PDE2A: variants seen among roughly 807,000 people sequenced by gnomAD.
PDE2A encodes cGMP-dependent 3',5'-cyclic phosphodiesterase.
In PDE2A, 53 loss-of-function variants were observed where a neutral mutation model predicts 133.6. That is an observed-to-expected ratio of 0.40 (90% CI 0.32 to 0.50). The LOEUF (loss-of-function observed/expected upper bound fraction) is 0.50, where lower values mean the gene tolerates loss of function less well. PDE2A is among the 20% of genes least tolerant of loss of function. The pLI is 0.73. For missense variants in PDE2A, 796 were observed against 1,232.4 expected, an observed-to-expected ratio of 0.65 and a Z score of 5.30; for synonymous variants, 491 against 490.2, an observed-to-expected ratio of 1.00 and a Z score of -0.02.
intron 3 of PDE2A, among the ~76,000 whole-genome samples, chr11:72,607,430 G>T (rs1319274661): frequency 6.6e-6 from 1 of 152,062 alleles, no homozygotes; most frequent in Non-Finnish European, 1.5e-5. Flanking sequence ...CTTCACCCCA[G>T]CCCAGATGTT....
intron 2 of PDE2A, among the ~76,000 whole-genome samples, chr11:72,611,645 G>C (rs1415013705): frequency 2.0e-5 from 3 of 152,186 alleles, no homozygotes; most frequent in Admixed American, 1.3e-4. Flanking sequence ...ATCTGTGCTA[G>C]AGCGGACTGG....
At chr11:72,579,125 G>C in intron 27 of PDE2A, 116 bp from the exon 28 acceptor site, 1 of 943,074 alleles carries the variant, frequency 1.1e-6, no homozygotes, top group Non-Finnish European at 1.7e-6. Context: ...CTTGATGGGA[G>C]CCAAGGGGCC....
Position 72,589,790 on chromosome 11 carries a change from G to T in PDE2A, c.834C>A (p.Val278=). The T allele has an allele frequency of 6.2e-7, 1 of 1,613,776 alleles. No individual in the cohort carries two copies. Among genetic ancestry groups the T allele is most frequent in the South Asian group, 1.1e-5 (1 of 90,972 alleles). The stretch of plus-strand genomic sequence containing the variant: ...CTTCCCCGAGCACTTTGTCTCCGAT[G>T]ACCTGAGGAACGGAGTGCAGGGGGC... ...SEDNLQLSCK[V]IGDKVLGEEV... is the part of the protein sequence containing the mutation. The change falls in exon 11 of 31, where the codon GTC becomes GTA. Residue 278 remains valine, a splice_region_variant and synonymous_variant. Transcript: ENST00000334456.
At chr11:72,610,301 T>C (rs1042046425) in intron 2 of PDE2A, among the ~76,000 whole-genome samples, 3 of 152,080 alleles carry the variant, frequency 2.0e-5, no homozygotes, top group Non-Finnish European at 4.4e-5. Flanking sequence ...TTCTTCCAGG[T>C]AGGGCCATGC....
chr11:72,586,704 G>T (rs769683788), intron 13 of PDE2A, among the ~76,000 whole-genome samples: 6 of 152,198 alleles, frequency 3.9e-5, no homozygotes, highest in Non-Finnish European at 2.9e-5. Context: ...TCCTGCTCAC[G>T]TCATTCAATC....
intron 14 of PDE2A, 28 bp from the exon 15 acceptor site, chr11:72,585,621 G>C (rs762067015): frequency 4.3e-6 from 7 of 1,610,676 alleles, no homozygotes; most frequent in South Asian, 2.2e-5. Context: ...GAGATCATAG[G>C]GGGGTCGGGG....
At chr11:72,650,576 C>T (rs955338758) in intron 1 of PDE2A, among the ~76,000 whole-genome samples, 7 of 152,206 alleles carry the variant, frequency 4.6e-5, no homozygotes, top group African/African-American at 1.7e-4. Context: ...CCCCAATCTC[C>T]TCCCCTTAGT....
chr11:72,642,449 G>T, intron 1 of PDE2A, 123 bp from the exon 2 acceptor site: 1 of 1,105,410 alleles, frequency 9.0e-7, no homozygotes. Flanking sequence ...GCTTCGCCTG[G>T]TCCGCCCGAG....
intron 2 of PDE2A, among the ~76,000 whole-genome samples, chr11:72,611,159 G>C (rs981219977): frequency 6.6e-6 from 1 of 152,214 alleles, no homozygotes; most frequent in Non-Finnish European, 1.5e-5. Context: ...TTGGGGAAGA[G>C]AGACCCAGGT....
intron 4 of PDE2A, among the ~76,000 whole-genome samples, chr11:72,599,858 G>A (rs1403679336): frequency 5.9e-5 from 9 of 152,196 alleles, no homozygotes; most frequent in Non-Finnish European, 1.2e-4. Context: ...CGCTTCAGTC[G>A]GGAGATGAGA....
At chr11:72,653,333 G>C (rs1476467979) in intron 1 of PDE2A, among the ~76,000 whole-genome samples, 1 of 152,194 alleles carries the variant, frequency 6.6e-6, no homozygotes, top group East Asian at 1.9e-4. Flanking sequence ...GGAGTTCAGA[G>C]ACAGTGAAAG....
intron 1 of PDE2A, 117 bp downstream of exon 1, chr11:72,674,020 C>G: frequency 2.9e-6 from 3 of 1,022,086 alleles, no homozygotes; most frequent in Non-Finnish European, 4.3e-6. Flanking sequence ...GGAACAGGAT[C>G]GATCCTTCCA....
At chr11:72,588,646 G>T in intron 13 of PDE2A, 138 bp downstream of exon 13, 1 of 735,898 alleles carries the variant, frequency 1.4e-6, no homozygotes, top group Non-Finnish European at 2.2e-6. Flanking sequence ...TCATTCTCTT[G>T]CACTAACACA....
intron 2 of PDE2A, chr11:72,615,009 A>G (rs145450660): frequency 4.7e-6 from 1 of 212,326 alleles, no homozygotes; most frequent in African/African-American, 4.8e-5. Context: ...CTCCCGCTCC[A>G]TGCCCCCATC....
chr11:72,634,405 G>A (rs989286167), intron 2 of PDE2A, among the ~76,000 whole-genome samples: 5 of 152,220 alleles, frequency 3.3e-5, no homozygotes, highest in African/African-American at 1.2e-4. Context: ...AGGTGTCCCA[G>A]GGGAAGTGGG....
At chr11:72,577,705 G>T in intron 30 of PDE2A, 111 bp from the exon 31 acceptor site, 1 of 745,554 alleles carries the variant, frequency 1.3e-6, no homozygotes, top group Non-Finnish European at 2.3e-6. Context: ...AGGTACGGTA[G>T]CTCACGCCTG....
intron 4 of PDE2A, 44 bp downstream of exon 4, chr11:72,605,094 C>T (rs1355116856): frequency 4.6e-6 from 6 of 1,299,364 alleles, no homozygotes; most frequent in African/African-American, 1.4e-5. Flanking sequence ...CCTGAGAATC[C>T]TTGGCCATGC....
intron 1 of PDE2A, among the ~76,000 whole-genome samples, chr11:72,673,364 C>A (rs1485077731): frequency 6.6e-6 from 1 of 151,808 alleles, no homozygotes; most frequent in Non-Finnish European, 1.5e-5. Flanking sequence ...ACAGGCCCCT[C>A]TACACCCAAC....
chr11:72,618,807 A>T (rs753819342), intron 2 of PDE2A, among the ~76,000 whole-genome samples: 4 of 148,382 alleles, frequency 2.7e-5, no homozygotes, highest in Non-Finnish European at 4.5e-5. Context: ...CTGCCTCATT[A>T]CACAGGGTCC....
Sources: allele counts gnomAD v4.1 joint callset (sites outside exome capture counted in the v4.1 genomes callset), GRCh38; gene constraint gnomAD v4.1.1; transcripts MANE v1.5; gene names NCBI Gene and HGNC (gene_info 2026-07-23, HGNC 2026-07-21).